Variants in TARBP1 observed in about 807,000 individuals in gnomAD.
The protein encoded by TARBP1 is tRNA (guanosine(18)-2'-O)-methyltransferase TARBP1.
In TARBP1, 144 loss-of-function variants were observed where a neutral mutation model predicts 178.6. The observed-to-expected ratio is 0.81, with a 90% CI of 0.70 to 0.93. The LOEUF (loss-of-function observed/expected upper bound fraction) is 0.93, where lower values mean the gene tolerates loss of function less well. Ranked by LOEUF, TARBP1 falls within the 40% of genes least tolerant of loss-of-function variation. The probability of loss-of-function intolerance (pLI) is 0.00; values close to 1 mark genes in which losing one functional copy is unlikely to be tolerated. For missense variants in TARBP1, 2,067 were observed against 2,011.7 expected (o/e 1.03, Z -0.53); for synonymous variants, 787 against 781.0 (o/e 1.01, Z -0.13).
intron 9 of TARBP1, among the ~76,000 whole-genome samples, chr1:234,453,089 T>C (rs551846200): frequency 3.3e-5 from 5 of 152,296 alleles, no homozygotes; most frequent in East Asian, 1.9e-4. Flanking sequence ...CAGAGAATTT[T>C]TGGGGGCAGT....
At chr1:234,467,755 T>C in intron 3 of TARBP1, 105 bp from the exon 4 acceptor site, 2 of 1,161,882 alleles carry the variant, frequency 1.7e-6, no homozygotes, top group Non-Finnish European at 2.3e-6. Flanking sequence ...AACTTCATTA[T>C]AACACTACAA....
rs139118500 is a variant in TARBP1, at chr1:234,398,531, C to T, written c.4094G>A (p.Arg1365His). The T allele has an allele frequency of 8.2e-6, 13 of 1,588,970 alleles. No homozygotes were observed. Among genetic ancestry groups the T allele is most frequent in the Admixed American group, 5.1e-5 (3 of 58,592 alleles). Reference sequence around the variant, plus strand: ...TTCATCTTCAATAAGGCCTGAAAGGCGTGGAAGGATGTAAAATATGGTCTG... The same window carrying T: ...TTCATCTTCAATAAGGCCTGAAAGGTGTGGAAGGATGTAAAATATGGTCTG... ...CLETIFYILP[R>H]LSGLIEDEWI... Residue 1365 changes from arginine to histidine, a missense_variant, in exon 26 of 30, where the codon CGC becomes CAC. Arg to His is a conservative substitution (Grantham distance 29, BLOSUM62 0). Coordinates refer to ENST00000040877, the MANE Select transcript of TARBP1 (RefSeq NM_005646.4).
intron 12 of TARBP1, among the ~76,000 whole-genome samples, chr1:234,446,527 C>A (rs80088508): frequency 0.011 from 1,676 of 151,836 alleles, 24 homozygotes; most frequent in East Asian, 0.076. Context: ...ATTATAGTAA[C>A]CAACACACGG....
chr1:234,440,951 A>AG (rs1665529670), intron 12 of TARBP1, among the ~76,000 whole-genome samples: 1 of 152,194 alleles, frequency 6.6e-6, no homozygotes, highest in Non-Finnish European at 1.5e-5. Flanking sequence ...TGGGAGGCTT[A>AG]GGTGGGCAGA....
chr1:234,409,430 T>C (rs74971813), intron 23 of TARBP1, among the ~76,000 whole-genome samples: 1,704 of 152,330 alleles, frequency 0.011, 33 homozygotes, highest in African/African-American at 0.038. Context: ...TCTCAATAGA[T>C]TGTAAGCAAA....
intron 3 of TARBP1, among the ~76,000 whole-genome samples, chr1:234,468,533 C>T (rs1288732749): frequency 1.3e-5 from 2 of 152,090 alleles, no homozygotes; most frequent in Non-Finnish European, 2.9e-5. Flanking sequence ...TAAATATTAC[C>T]CCATGCATGC....
At chr1:234,451,952 T>C (rs1055246478) in intron 9 of TARBP1, among the ~76,000 whole-genome samples, 2 of 152,160 alleles carry the variant, frequency 1.3e-5, no homozygotes, top group African/African-American at 4.8e-5. Context: ...TATACACTTT[T>C]CTTTGCATTC....
intron 26 of TARBP1, among the ~76,000 whole-genome samples, chr1:234,394,090 T>C (rs879180272): frequency 6.6e-6 from 1 of 152,226 alleles, no homozygotes; most frequent in Admixed American, 6.5e-5. Flanking sequence ...AAACATGAGA[T>C]ACACGTTTTT....
At position 234,418,267 on chromosome 1, in the gene TARBP1, G is replaced by C. The variant is rs1662673210; in HGVS notation, c.3556-34C>G. ...AAAAGTTCACAATTAACCAGTTACA[G>C]TTATTCATTTTAATTTAAAAATAGT... is the stretch of plus-strand genomic sequence containing the variant. On this transcript the variant is annotated intron_variant, in intron 21 of 29. Coordinates refer to ENST00000040877, the MANE Select transcript of TARBP1 (RefSeq NM_005646.4). 3 of 1,510,010 alleles carry C rather than the reference G, an allele frequency of 2.0e-6. No homozygotes were observed. In the African/African-American group the frequency reaches 4.3e-5, roughly 22 times the overall value. The allele number at this position is 1,510,010 out of a possible 1,614,324, so 93.5% of individuals were successfully genotyped here. A position where few individuals can be genotyped will look rare whatever the true frequency, so the allele number is the denominator to read the frequency against.
chr1:234,472,466 A>G (rs1669163512), intron 2 of TARBP1, among the ~76,000 whole-genome samples: 1 of 152,132 alleles, frequency 6.6e-6, no homozygotes, highest in African/African-American at 2.4e-5. Flanking sequence ...GATACTGATA[A>G]ACGTTAAAGT....
intron 25 of TARBP1, among the ~76,000 whole-genome samples, chr1:234,399,015 G>A (rs2103039487): frequency 6.6e-6 from 1 of 152,338 alleles, no homozygotes; most frequent in South Asian, 2.1e-4. Context: ...TTAGTTATGT[G>A]ACGTTAGGCA....
At chr1:234,459,082 T>C (rs772483189) in intron 8 of TARBP1, 148 bp downstream of exon 8, 1 of 598,712 alleles carries the variant, frequency 1.7e-6, no homozygotes, top group Non-Finnish European at 2.9e-6. Flanking sequence ...AGAGATCATA[T>C]GTATTATTTT....
At chr1:234,454,608 T>C (rs1667104887) in intron 9 of TARBP1, among the ~76,000 whole-genome samples, 1 of 152,058 alleles carries the variant, frequency 6.6e-6, no homozygotes, top group African/African-American at 2.4e-5. Flanking sequence ...AGGAAAAAAC[T>C]AAACAAAATC....
chr1:234,395,266 A>G (rs1659810440), intron 26 of TARBP1, among the ~76,000 whole-genome samples: 5 of 152,348 alleles, frequency 3.3e-5, no homozygotes, highest in Admixed American at 3.3e-4. Context: ...GTTAAAAACC[A>G]TTAAAAAATT....
intron 12 of TARBP1, among the ~76,000 whole-genome samples, chr1:234,444,933 A>C (rs1665993504): frequency 6.6e-6 from 1 of 151,786 alleles, no homozygotes; most frequent in African/African-American, 2.4e-5. Flanking sequence ...GGTTATATTC[A>C]CCTCTTAAGG....
intron 7 of TARBP1, among the ~76,000 whole-genome samples, chr1:234,460,043 G>C (rs529452418): frequency 1.2e-4 from 18 of 152,162 alleles, no homozygotes; most frequent in Middle Eastern, 6.8e-3. Context: ...ACATACTTCA[G>C]TACACATTTA....
intron 1 of TARBP1, among the ~76,000 whole-genome samples, chr1:234,475,795 G>A (rs1669517801): frequency 6.6e-6 from 1 of 152,218 alleles, no homozygotes; most frequent in East Asian, 1.9e-4. Context: ...GACCTCCATC[G>A]GTGGCACAGG....
chr1:234,395,904 G>C (rs1043610678), intron 26 of TARBP1, among the ~76,000 whole-genome samples: 1 of 152,104 alleles, frequency 6.6e-6, no homozygotes, highest in African/African-American at 2.4e-5. Flanking sequence ...CTTCCAAATA[G>C]CTAGAAGAGA....
intron 9 of TARBP1, 100 bp from the exon 10 acceptor site, chr1:234,450,666 AT>A (rs1666656661): frequency 2.3e-6 from 3 of 1,306,196 alleles, no homozygotes; most frequent in Admixed American, 2.9e-5. Flanking sequence ...GATAAACCAA[AT>A]TTAAATAATC....
Sources: allele counts gnomAD v4.1 joint callset (sites outside exome capture counted in the v4.1 genomes callset), GRCh38; gene constraint gnomAD v4.1.1; transcripts MANE v1.5; gene names NCBI Gene and HGNC (gene_info 2026-07-23, HGNC 2026-07-21).